Variants in MBNL2 observed in about 807,000 individuals in gnomAD.
MBNL2 encodes the protein muscleblind-like protein 2.
In MBNL2, 17 loss-of-function variants were observed where a neutral mutation model predicts 41.9. That is an observed-to-expected ratio of 0.41 (90% CI 0.28 to 0.61). MBNL2 has a LOEUF of 0.61. Ranked by LOEUF, MBNL2 falls within the 20% of genes least tolerant of loss-of-function variation. The pLI, the probability that MBNL2 is intolerant of heterozygous loss-of-function variation, is 0.35. For synonymous variants in MBNL2, 195 were observed against 182.9 expected (o/e 1.07, Z -0.53); for missense variants, 336 against 505.6 (o/e 0.66, Z 3.22).
chr13:97,261,480 C>T (rs187316796), intron 1 of MBNL2, among the ~76,000 whole-genome samples: 14 of 152,290 alleles, frequency 9.2e-5, no homozygotes, highest in Admixed American at 3.9e-4. Context: ...TCTCCAAGAC[C>T]TTGACCTTTG....
the MBNL2 span, among the ~76,000 whole-genome samples, chr13:97,189,089 T>C: frequency 0.024 from 3,578 of 152,212 alleles, 130 homozygotes; most frequent in African/African-American, 0.081. Flanking sequence ...AGAAATGTGT[T>C]CTTGCTGTCA....
At chr13:97,224,485 A>G (rs1487878446) in intron 1 of MBNL2, among the ~76,000 whole-genome samples, 2 of 152,180 alleles carry the variant, frequency 1.3e-5, no homozygotes, top group Admixed American at 1.3e-4. Flanking sequence ...GGGAGTTCCC[A>G]AAGCTAATTT....
At chr13:97,360,718 C>T (rs771730209) in intron 7 of MBNL2, among the ~76,000 whole-genome samples, 2 of 152,212 alleles carry the variant, frequency 1.3e-5, no homozygotes, top group Non-Finnish European at 2.9e-5. Flanking sequence ...CTCACAGATA[C>T]GACAGCTGAA....
chr13:97,144,641 C>T, the MBNL2 span, among the ~76,000 whole-genome samples: 1 of 151,938 alleles, frequency 6.6e-6, no homozygotes, highest in African/African-American at 2.4e-5. Flanking sequence ...GTTGGTTGGT[C>T]AGGCTGGTCT....
chr13:97,144,423 C>CTTTTTTTTTTTTTTTT, the MBNL2 span, among the ~76,000 whole-genome samples: 19 of 118,084 alleles, frequency 1.6e-4, no homozygotes, highest in African/African-American at 6.0e-4. Context: ...CATGATACTT[C>CTTTTTTTTTTTTTTTT]TTTTTTTTTT....
chr13:97,346,710 G>T lies in MBNL2; in HGVS notation c.541-94G>T, dbSNP rs565409941. Reference sequence around the variant, plus strand: ...TGGTACATGAGCCACCATTGAAAGCGAGGCAGCCTCCGCTCCTCCCGCGGT... The same window carrying T: ...TGGTACATGAGCCACCATTGAAAGCTAGGCAGCCTCCGCTCCTCCCGCGGT... On this transcript the variant is annotated intron_variant, in intron 4 of 8. Transcript: ENST00000679496. The surrounding 1 kb of genome is among the most constrained non-coding windows in gnomAD (Gnocchi z 4.2). The T allele has an allele frequency of 2.0e-5, 20 of 990,250 alleles. No homozygotes were observed. The highest frequency in any genetic ancestry group is 4.9e-5 in the African/African-American group (3 of 61,646). The allele number at this position is 990,250 out of a possible 1,614,324, so 61.3% of individuals were successfully genotyped here.
chr13:97,317,599 C>T (rs1233440176), intron 2 of MBNL2, among the ~76,000 whole-genome samples: 1 of 152,194 alleles, frequency 6.6e-6, no homozygotes, highest in African/African-American at 2.4e-5. Flanking sequence ...AATCCAGGTG[C>T]CTCATTTGCA....
intron 8 of MBNL2, among the ~76,000 whole-genome samples, chr13:97,377,537 T>C (rs1379751680): frequency 2.0e-5 from 3 of 152,174 alleles, no homozygotes; most frequent in Admixed American, 6.5e-5. Context: ...CAAACCTAAT[T>C]CCCTCCTTTT....
chr13:97,352,012 A>G (rs2062520521), intron 5 of MBNL2, among the ~76,000 whole-genome samples: 1 of 89,278 alleles, frequency 1.1e-5, no homozygotes, highest in African/African-American at 1.4e-4. Flanking sequence ...TCACAGAGTG[A>G]GACTGTCTCA....
chr13:97,388,428 G>A (rs1011060493), intron 8 of MBNL2, among the ~76,000 whole-genome samples: 2 of 151,750 alleles, frequency 1.3e-5, no homozygotes, highest in Non-Finnish European at 2.9e-5. Flanking sequence ...TTTGTTTAGT[G>A]CTAAATCAAC....
chr13:97,226,734 T>C (rs577879268), intron 1 of MBNL2, among the ~76,000 whole-genome samples: 2 of 152,282 alleles, frequency 1.3e-5, no homozygotes, highest in African/African-American at 4.8e-5. Flanking sequence ...AGATGTCAGA[T>C]GAGCAATAGA....
chr13:97,277,397 A>G (rs998960896), intron 2 of MBNL2, among the ~76,000 whole-genome samples: 3 of 152,196 alleles, frequency 2.0e-5, no homozygotes, highest in African/African-American at 4.8e-5. Flanking sequence ...AAGGTTACCA[A>G]ACAGTTAAGA....
chr13:97,301,311 A>G (rs1468441776), intron 2 of MBNL2, among the ~76,000 whole-genome samples: 1 of 152,226 alleles, frequency 6.6e-6, no homozygotes, highest in African/African-American at 2.4e-5. Context: ...GATATTACAG[A>G]GAGAGAAAAT....
At position 97,322,405 on chromosome 13, in the gene MBNL2, T is replaced by C. The variant is rs528811066; in HGVS notation, c.175-11871T>C. Among the ~76,000 whole-genome samples, 159 of 152,330 alleles carry C rather than the reference T, an allele frequency of 1.0e-3. 1 individual carries two copies. Among genetic ancestry groups the C allele is most frequent in the Middle Eastern group, 3.4e-3 (1 of 294 alleles). On this transcript the variant is annotated intron_variant, in intron 2 of 8. Coordinates refer to ENST00000679496, the MANE Select transcript of MBNL2 (RefSeq NM_001382683.1). ...TGGTTCAATTTACGATTTTTGACTT[T>C]AGAACAGTTCAAAAGCAATATGCAT...
intron 4 of MBNL2, among the ~76,000 whole-genome samples, chr13:97,343,828 C>T (rs1340503435): frequency 2.0e-5 from 3 of 152,270 alleles, no homozygotes; most frequent in East Asian, 3.9e-4. Flanking sequence ...GGTTTTGAGA[C>T]GTAGTTTCGC....
At chr13:97,148,758 A>C in the MBNL2 span, among the ~76,000 whole-genome samples, 1 of 152,236 alleles carries the variant, frequency 6.6e-6, no homozygotes, top group East Asian at 1.9e-4. Context: ...TTGTATTTTC[A>C]GAGTTAGTGA....
At chr13:97,302,410 G>T (rs1463448944) in intron 2 of MBNL2, among the ~76,000 whole-genome samples, 1 of 152,160 alleles carries the variant, frequency 6.6e-6, no homozygotes, top group Non-Finnish European at 1.5e-5. Flanking sequence ...TGTGGGGTGT[G>T]GTTGGGAGGG....
At chr13:97,185,338 G>C in the MBNL2 span, among the ~76,000 whole-genome samples, 5 of 152,206 alleles carry the variant, frequency 3.3e-5, no homozygotes, top group African/African-American at 1.2e-4. Flanking sequence ...ATGAGAATCA[G>C]GTTTTTCCAG....
intron 3 of MBNL2, among the ~76,000 whole-genome samples, chr13:97,338,795 T>C (rs993039151): frequency 6.6e-6 from 1 of 152,198 alleles, no homozygotes; most frequent in Non-Finnish European, 1.5e-5. Flanking sequence ...GGGAGGAGGC[T>C]TAGGAGACGC....
Sources: gnomAD v4.1 joint callset for allele counts (sites outside exome capture counted in the v4.1 genomes callset) on GRCh38, gnomAD v4.1.1 for gene constraint, Gnocchi (gnomAD v3.1) non-coding constraint, MANE v1.5 for transcripts, NCBI Gene and HGNC (gene_info 2026-07-23, HGNC 2026-07-21) for gene names.